Variants in LCP1 observed in about 807,000 individuals in gnomAD.
LCP1 encodes the protein plastin-2.
LCP1 carries 23 observed loss-of-function variants against 72.0 expected under a neutral mutation model. That is an observed-to-expected ratio of 0.32 (90% confidence interval 0.23 to 0.45). The LOEUF is 0.45. Ranked by LOEUF, LCP1 falls within the 20% of genes least tolerant of loss-of-function variation. The pLI is 1.00. For missense variants in LCP1, 571 were observed against 748.3 expected, an observed-to-expected ratio of 0.76 and a Z score of 2.76; for synonymous variants, 245 against 275.4, an observed-to-expected ratio of 0.89 and a Z score of 1.09.
chr13:46,152,558 CA>C (rs2045775327), intron 7 of LCP1, among the ~76,000 whole-genome samples: 1 of 152,166 alleles, frequency 6.6e-6, no homozygotes, highest in Non-Finnish European at 1.5e-5. Flanking sequence ...CCCTATGCTC[CA>C]AACAAACATT....
intron 5 of LCP1, among the ~76,000 whole-genome samples, chr13:46,156,129 C>T (rs1164144710): frequency 6.6e-6 from 1 of 152,050 alleles, no homozygotes; most frequent in African/African-American, 2.4e-5. Context: ...ATAAGTTTCC[C>T]CCACTTAATT....
intron 6 of LCP1, among the ~76,000 whole-genome samples, chr13:46,153,701 C>CAAAA (rs1237525744): frequency 1.3e-5 from 1 of 74,834 alleles, no homozygotes; most frequent in African/African-American, 5.0e-5. Context: ...AACTCCATCT[C>CAAAA]AAAAAAAAAA....
At chr13:46,150,796 A>G in intron 8 of LCP1, 140 bp downstream of exon 8, 1 of 882,750 alleles carries the variant, frequency 1.1e-6, no homozygotes, top group Non-Finnish European at 1.7e-6. Flanking sequence ...TCTCAAGGAC[A>G]GTGAGCACCT....
intron 13 of LCP1, among the ~76,000 whole-genome samples, chr13:46,136,011 T>A (rs575663668): frequency 4.6e-5 from 7 of 152,052 alleles, no homozygotes; most frequent in Admixed American, 4.6e-4. Context: ...TTGGCTCTAG[T>A]ATTCTTTTCC....
chr13:46,134,381 A>AG, intron 13 of LCP1, 131 bp from the exon 14 acceptor site: 1 of 712,140 alleles, frequency 1.4e-6, no homozygotes. Flanking sequence ...TACATTTGAG[A>AG]GAAAAAAAGA....
intron 9 of LCP1, among the ~76,000 whole-genome samples, chr13:46,148,045 G>A (rs1320899967): frequency 6.6e-6 from 1 of 152,134 alleles, no homozygotes; most frequent in Non-Finnish European, 1.5e-5. Flanking sequence ...CGGCAAAACA[G>A]AAGTTTTATT....
chr13:46,133,445 G>A (rs1226808885), intron 14 of LCP1, among the ~76,000 whole-genome samples: 1 of 152,056 alleles, frequency 6.6e-6, no homozygotes, highest in Non-Finnish European at 1.5e-5. Context: ...GGGCCACATA[G>A]TGAGACCTCA....
intron 1 of LCP1, among the ~76,000 whole-genome samples, chr13:46,176,515 A>G (rs2045931367): frequency 6.6e-6 from 1 of 152,210 alleles, no homozygotes; most frequent in Admixed American, 6.5e-5. Flanking sequence ...CTGAATAGGG[A>G]AAATATGCAA....
At chr13:46,134,103 C>G (rs2045649651) in intron 14 of LCP1, 24 bp downstream of exon 14, 1 of 1,612,502 alleles carries the variant, frequency 6.2e-7, no homozygotes, top group African/African-American at 1.3e-5. Context: ...CAGATGGCCT[C>G]TAGCAGAAGA....
chr13:46,161,080 T>C (rs1462248699), intron 1 of LCP1, among the ~76,000 whole-genome samples: 2 of 152,154 alleles, frequency 1.3e-5, no homozygotes, highest in Non-Finnish European at 2.9e-5. Context: ...CAAATTACCA[T>C]CCTGCCACAT....
At chr13:46,174,846 A>AG (rs1566447280) in intron 1 of LCP1, among the ~76,000 whole-genome samples, 2 of 144,204 alleles carry the variant, frequency 1.4e-5, no homozygotes, top group East Asian at 1.9e-4. Context: ...AAAAAAAAAA[A>AG]AAAAAGAAAA....
intron 1 of LCP1, among the ~76,000 whole-genome samples, chr13:46,163,026 C>A (rs1263752601): frequency 6.8e-6 from 1 of 147,858 alleles, no homozygotes; most frequent in African/African-American, 2.4e-5. Flanking sequence ...GGGCAGCCCC[C>A]GCCCGGCCAG....
At position 46,126,010 on chromosome 13, in the gene LCP1, C is replaced by T. The variant is rs991501990; in HGVS notation, c.*1581G>A. 6.4e-5 allele frequency: 13 copies of T among 202,124 alleles called. No homozygotes were observed. Among genetic ancestry groups the T allele is most frequent in the African/African-American group, 2.1e-4 (9 of 43,570 alleles). The allele number at this position is 202,124 out of a possible 1,614,324, so 12.5% of individuals were successfully genotyped here. On this transcript the variant is annotated 3_prime_UTR_variant, in exon 16 of 16. Transcript: ENST00000323076. The stretch of plus-strand genomic sequence containing the variant: ...CAGTAACATTCTTTCTTCCTGGAGG[C>T]GGAGGGGGGAAATCATCTGAGGCTA...
intron 14 of LCP1, among the ~76,000 whole-genome samples, chr13:46,131,685 T>G (rs2138216348): frequency 6.6e-6 from 1 of 152,194 alleles, no homozygotes; most frequent in East Asian, 1.9e-4. Flanking sequence ...CAAAAGAGAA[T>G]AAAATCATGT....
intron 8 of LCP1, 92 bp downstream of exon 8, chr13:46,150,844 G>A (rs2045759074): frequency 7.2e-7 from 1 of 1,385,662 alleles, no homozygotes. Context: ...CTTCTGAAGA[G>A]AGGAAGCCCC....
At chr13:46,181,669 A>G (rs2045956445) in intron 1 of LCP1, among the ~76,000 whole-genome samples, 1 of 152,236 alleles carries the variant, frequency 6.6e-6, no homozygotes, top group Admixed American at 6.5e-5. Context: ...TTAGAAAAAC[A>G]GAACCGCAGG....
chr13:46,175,248 G>T (rs1458211505), intron 1 of LCP1, among the ~76,000 whole-genome samples: 1 of 152,108 alleles, frequency 6.6e-6, no homozygotes, highest in African/African-American at 2.4e-5. Flanking sequence ...ACGCTGGGTG[G>T]AGTAGATATG....
intron 1 of LCP1, among the ~76,000 whole-genome samples, chr13:46,176,875 TTGTG>T (rs58990974): frequency 8.0e-4 from 115 of 143,820 alleles, no homozygotes; most frequent in East Asian, 5.3e-3. Context: ...GTGTGTTTAT[TTGTG>T]TGTGTGTGTG....
intron 1 of LCP1, among the ~76,000 whole-genome samples, chr13:46,174,601 T>C (rs2045919301): frequency 1.3e-5 from 2 of 152,238 alleles, no homozygotes; most frequent in Admixed American, 6.5e-5. Flanking sequence ...CCCAGAACTT[T>C]GGGAGGCCGA....
Sources: gnomAD v4.1 joint callset for allele counts (sites outside exome capture counted in the v4.1 genomes callset) on GRCh38, gnomAD v4.1.1 for gene constraint, MANE v1.5 for transcripts, NCBI Gene and HGNC (gene_info 2026-07-23, HGNC 2026-07-21) for gene names.